Variants in NSMAF observed in about 807,000 individuals in gnomAD.
NSMAF encodes the protein protein FAN.
Under a neutral mutation model 134.9 loss-of-function variants are expected in NSMAF, and 90 were observed. The ratio of observed to expected loss-of-function variants is 0.67; its 90% CI spans 0.56 to 0.79. The LOEUF (loss-of-function observed/expected upper bound fraction) is 0.79, where lower values mean the gene tolerates loss of function less well. Ranked by LOEUF, NSMAF falls within the 30% of genes least tolerant of loss-of-function variation. The pLI, the probability that NSMAF is intolerant of heterozygous loss-of-function variation, is 0.00. For missense variants in NSMAF, 1,010 were observed against 1,119.0 expected (o/e 0.90, Z 1.39); for synonymous variants, 358 against 389.6 (o/e 0.92, Z 0.96).
intron 11 of NSMAF, among the ~76,000 whole-genome samples, 164 bp from the exon 12 acceptor site, chr8:58,606,199 C>T (rs1321456489): frequency 6.6e-6 from 1 of 151,778 alleles, no homozygotes; most frequent in Non-Finnish European, 1.5e-5. Context: ...GATATATATA[C>T]ACATATACGT....
chr8:58,603,097 T>G (rs754844098), intron 13 of NSMAF, 113 bp downstream of exon 13: 57 of 1,038,500 alleles, frequency 5.5e-5, no homozygotes, highest in Non-Finnish European at 7.8e-5. Context: ...TGAGTTGTAA[T>G]TTGTTCACAT....
At chr8:58,594,957 G>A (rs1806102671) in intron 22 of NSMAF, 1 of 154,634 alleles carries the variant, frequency 6.5e-6, no homozygotes, top group Non-Finnish European at 1.4e-5. Context: ...CCTAGTCTCT[G>A]GACCTGGGTT....
chr8:58,655,519 A>C (rs1268131630), intron 1 of NSMAF, among the ~76,000 whole-genome samples: 1 of 151,402 alleles, frequency 6.6e-6, no homozygotes, highest in African/African-American at 2.4e-5. Context: ...CCCACCTTTT[A>C]ATATATTTCA....
At chr8:58,643,167 C>T in intron 1 of NSMAF, 94 bp from the exon 2 acceptor site, 1 of 901,102 alleles carries the variant, frequency 1.1e-6, no homozygotes. Flanking sequence ...AAAGCTTTTC[C>T]ATTCTTGAAT....
At chr8:58,592,890 A>C (rs1027863264) in intron 23 of NSMAF, among the ~76,000 whole-genome samples, 2 of 127,472 alleles carry the variant, frequency 1.6e-5, no homozygotes, top group African/African-American at 7.2e-5. Flanking sequence ...CTGTCTCAAA[A>C]AAAAACAAAA....
At chr8:58,594,208 C>A (rs770855232) in intron 23 of NSMAF, 24 bp downstream of exon 23, 7 of 1,611,844 alleles carry the variant, frequency 4.3e-6, no homozygotes, top group Non-Finnish European at 5.9e-6. Flanking sequence ...TTGGTTAAGC[C>A]GCCTTTCGGG....
At position 58,584,100 on chromosome 8, in the gene NSMAF, AG is replaced by A; in HGVS notation, c.*5del. Reference sequence around the variant, plus strand: ...TCAATTTAATATTCAGGAGAGGAAAAGGCACTTAATACTGCAATTTCCAGAA... The same window carrying A: ...TCAATTTAATATTCAGGAGAGGAAAAGCACTTAATACTGCAATTTCCAGAA... On this transcript the variant is annotated 3_prime_UTR_variant, in exon 31 of 31. Transcript: ENST00000038176. 6.3e-7 allele frequency: 1 copy of A among 1,598,000 alleles called. No homozygotes were observed. The highest frequency in any genetic ancestry group is 8.6e-7 in the Non-Finnish European group (1 of 1,165,270).
intron 11 of NSMAF, among the ~76,000 whole-genome samples, chr8:58,607,331 T>C (rs540320435): frequency 1.5e-4 from 23 of 152,312 alleles, no homozygotes; most frequent in South Asian, 4.1e-4. Flanking sequence ...AGCCCAAAGG[T>C]TGAATTAATG....
chr8:58,589,444 A>G lies in NSMAF; in HGVS notation c.2211+8T>C, dbSNP rs748654324. On this transcript the variant is annotated splice_region_variant and intron_variant, in intron 26 of 30. Transcript: ENST00000038176. ...AAGTTAAAAAAACTTTTTAAATTAT[A>G]TATGAACCTTCACTGTAGAGTCCCA... is the stretch of plus-strand genomic sequence containing the variant. 6.9e-7 allele frequency: 1 copy of G among 1,455,228 alleles called. No homozygotes were observed. The highest frequency in any genetic ancestry group is 2.8e-5 in the Admixed American group (1 of 35,946). 90.1% of individuals were successfully genotyped at this position (1,455,228 alleles called of 1,614,324 possible). A position where few individuals can be genotyped will look rare whatever the true frequency, so the allele number is the denominator to read the frequency against.
chr8:58,641,888 T>G (rs1432379238), intron 2 of NSMAF, among the ~76,000 whole-genome samples: 1 of 152,204 alleles, frequency 6.6e-6, no homozygotes, highest in Non-Finnish European at 1.5e-5. Context: ...GGTTTCAGTT[T>G]GCTACCTGTA....
At chr8:58,584,426 A>C (rs1805836915) in intron 30 of NSMAF, among the ~76,000 whole-genome samples, 1 of 152,240 alleles carries the variant, frequency 6.6e-6, no homozygotes, top group South Asian at 2.1e-4. Context: ...TGTAAATCTA[A>C]AGCTAAAACA....
intron 2 of NSMAF, chr8:58,637,457 T>C (rs1253070039): frequency 2.2e-6 from 1 of 455,420 alleles, no homozygotes; most frequent in African/African-American, 2.0e-5. Context: ...GTGCCCACTC[T>C]TACCACTACT....
intron 6 of NSMAF, among the ~76,000 whole-genome samples, chr8:58,630,435 C>A (rs1807031519): frequency 6.6e-6 from 1 of 150,698 alleles, no homozygotes; most frequent in East Asian, 1.9e-4. Context: ...TTCAATGAAC[C>A]ATGTGCAGGT....
chr8:58,584,293 AT>A, intron 30 of NSMAF, 93 bp from the exon 31 acceptor site: 1 of 865,754 alleles, frequency 1.2e-6, no homozygotes, highest in Admixed American at 2.1e-5. Flanking sequence ...TTTGCTATTC[AT>A]TTACTAAACA....
intron 1 of NSMAF, among the ~76,000 whole-genome samples, chr8:58,654,615 G>A (rs1346675481): frequency 6.6e-6 from 1 of 152,172 alleles, no homozygotes; most frequent in Non-Finnish European, 1.5e-5. Flanking sequence ...CTCATGGAAT[G>A]TCTGAAACAA....
rs767913242 is a variant in NSMAF at position 58,586,598 on chromosome 8, A to G, written c.2306T>C (p.Ile769Thr). The G allele has an allele frequency of 2.5e-6, 4 of 1,612,866 alleles. No homozygotes were observed. The highest frequency in any genetic ancestry group is 1.1e-5 in the South Asian group (1 of 90,816). Residue 769 changes from isoleucine (I) to threonine (T), a missense_variant, in exon 28 of 31, where the codon ATC becomes ACC. Coordinates refer to ENST00000038176, the MANE Select transcript of NSMAF (RefSeq NM_003580.4). ...ELEHDVSVDTISLNAASTLLV... is the reference protein window; with the variant it reads ...ELEHDVSVDTTSLNAASTLLV... ...CAGTGTGCTTGCAGCATTTAAACTG[A>G]TTGTATCTACCTAAGGAAGAAAACA...
intron 1 of NSMAF, among the ~76,000 whole-genome samples, chr8:58,647,995 A>G (rs1807500234): frequency 6.6e-6 from 1 of 152,240 alleles, no homozygotes; most frequent in Non-Finnish European, 1.5e-5. Context: ...GACAAGGGAA[A>G]GTTTGAAACT....
chr8:58,595,107 C>T (rs1364652316), intron 22 of NSMAF, among the ~76,000 whole-genome samples: 2 of 151,730 alleles, frequency 1.3e-5, no homozygotes, highest in African/African-American at 4.9e-5. Context: ...TTCTTAGAAG[C>T]ATAATTATTT....
chr8:58,649,813 A>C (rs1476890713), intron 1 of NSMAF, among the ~76,000 whole-genome samples: 1 of 152,214 alleles, frequency 6.6e-6, no homozygotes, highest in Non-Finnish European at 1.5e-5. Context: ...AGCCAAGCAC[A>C]TGCCAGTGCC....
Sources: gnomAD v4.1 joint callset for allele counts (sites outside exome capture counted in the v4.1 genomes callset) on GRCh38, gnomAD v4.1.1 for gene constraint, MANE v1.5 for transcripts, NCBI Gene and HGNC (gene_info 2026-07-23, HGNC 2026-07-21) for gene names.